The following CCDC171 variants were observed in gnomAD, a reference collection of about 807,000 sequenced individuals.
CCDC171 encodes the protein coiled-coil domain-containing protein 171.
A neutral mutation model predicts 168.2 loss-of-function variants in CCDC171; 177 were observed. The ratio of observed to expected loss-of-function variants is 1.05; its 90% CI spans 0.93 to 1.19. The LOEUF (loss-of-function observed/expected upper bound fraction) is 1.19. Ranked by LOEUF, CCDC171 falls within the 50% of genes most tolerant of loss-of-function variation. The pLI is 0.00. For synonymous variants in CCDC171, 687 were observed against 540.8 expected (o/e 1.27, Z -3.75); for missense variants, 1,991 against 1,539.0 (o/e 1.29, Z -4.91).
intron 24 of CCDC171, among the ~76,000 whole-genome samples, chr9:15,888,648 T>A (rs893971611): frequency 3.3e-5 from 5 of 152,124 alleles, no homozygotes; most frequent in Admixed American, 6.6e-5. Context: ...ATTATATGGA[T>A]TTGTGTATGC....
chr9:15,919,781 A>G (rs1825060877), intron 24 of CCDC171, among the ~76,000 whole-genome samples: 1 of 151,686 alleles, frequency 6.6e-6, no homozygotes, highest in Non-Finnish European at 1.5e-5. Flanking sequence ...CTTACAAAAT[A>G]AGAATCACAT....
At chr9:15,888,810 T>A (rs145127019) in intron 24 of CCDC171, among the ~76,000 whole-genome samples, 289 of 152,202 alleles carry the variant, frequency 1.9e-3, no homozygotes, top group African/African-American at 5.4e-3. Context: ...AACTGGTAAC[T>A]TGAAGGCAAA....
chr9:15,929,609 T>G (rs541525141), intron 25 of CCDC171, among the ~76,000 whole-genome samples: 1 of 151,796 alleles, frequency 6.6e-6, no homozygotes, highest in African/African-American at 2.4e-5. Flanking sequence ...CCACCACAGA[T>G]CTCTTAGACC....
chr9:15,735,799 C>T (rs1278576055), intron 16 of CCDC171, among the ~76,000 whole-genome samples: 6 of 152,126 alleles, frequency 3.9e-5, no homozygotes, highest in African/African-American at 1.4e-4. Flanking sequence ...GTTACAATCA[C>T]GTGTACACTA....
chr9:15,947,101 A>C (rs541276965), intron 25 of CCDC171, among the ~76,000 whole-genome samples: 1 of 152,146 alleles, frequency 6.6e-6, no homozygotes, highest in South Asian at 2.1e-4. Context: ...AAAGACAACA[A>C]ATACCTATAA....
chr9:15,807,674 C>T (rs563584656), intron 21 of CCDC171, among the ~76,000 whole-genome samples: 3 of 152,112 alleles, frequency 2.0e-5, no homozygotes, highest in South Asian at 2.1e-4. Context: ...TTACTCTGCA[C>T]ATTCACATCT....
intron 7 of CCDC171, among the ~76,000 whole-genome samples, chr9:15,632,318 C>T (rs972845364): frequency 4.3e-4 from 66 of 151,836 alleles, no homozygotes; most frequent in Non-Finnish European, 8.5e-4. Flanking sequence ...GCAACTTCAG[C>T]AAAGTCTCAG....
At chr9:15,566,967 A>G (rs935981179) in intron 2 of CCDC171, among the ~76,000 whole-genome samples, 1 of 151,800 alleles carries the variant, frequency 6.6e-6, no homozygotes, top group Non-Finnish European at 1.5e-5. Flanking sequence ...AAAATTACTT[A>G]ACTATTTAAG....
At chr9:15,984,745 C>T (rs1001523515) in intron 3 of CCDC171, among the ~76,000 whole-genome samples, 2 of 152,036 alleles carry the variant, frequency 1.3e-5, no homozygotes, top group Non-Finnish European at 2.9e-5. Context: ...GGGTAGGATA[C>T]AAAATCTGCT....
the CCDC171 span, among the ~76,000 whole-genome samples, chr9:16,097,259 C>T: frequency 6.6e-6 from 1 of 152,186 alleles, no homozygotes; most frequent in Admixed American, 6.5e-5. Flanking sequence ...AATTGGTTCC[C>T]ACTTAGGTCA....
At chr9:15,746,724 C>T (rs1205230872) in intron 18 of CCDC171, among the ~76,000 whole-genome samples, 3 of 152,136 alleles carry the variant, frequency 2.0e-5, no homozygotes, top group Admixed American at 6.5e-5. Context: ...AACTGAGGTA[C>T]CTTGTTCATC....
At chr9:15,753,221 A>G (rs2055877500) in intron 18 of CCDC171, among the ~76,000 whole-genome samples, 1 of 152,150 alleles carries the variant, frequency 6.6e-6, no homozygotes, top group Non-Finnish European at 1.5e-5. Context: ...TTATGAGTAT[A>G]GGGAAGACTT....
At chr9:15,894,801 T>G (rs1346213241) in intron 24 of CCDC171, among the ~76,000 whole-genome samples, 1 of 152,120 alleles carries the variant, frequency 6.6e-6, no homozygotes, top group East Asian at 1.9e-4. Context: ...CATTCCTTAC[T>G]AAAATAACCT....
At chr9:15,879,190 TTC>T (rs1381846568) in intron 24 of CCDC171, among the ~76,000 whole-genome samples, 15 of 152,218 alleles carry the variant, frequency 9.9e-5, no homozygotes, top group Non-Finnish European at 1.8e-4. Context: ...GTATATATTC[TTC>T]AAGTTATTTT....
chr9:15,691,871 T>G (rs1174916437), intron 10 of CCDC171, among the ~76,000 whole-genome samples: 10 of 151,942 alleles, frequency 6.6e-5, no homozygotes, highest in Admixed American at 6.6e-4. Flanking sequence ...AGAGATGGGA[T>G]CTCACTATGT....
At chr9:15,913,217 G>T (rs989723487) in intron 24 of CCDC171, among the ~76,000 whole-genome samples, 1 of 152,118 alleles carries the variant, frequency 6.6e-6, no homozygotes, top group African/African-American at 2.4e-5. Context: ...CTTGTTATTG[G>T]TCTATTCAGG....
chr9:16,061,156 G>C (rs1039168878), exon 2 of CCDC171: 1 of 152,258 alleles, frequency 6.6e-6, no homozygotes, highest in African/African-American at 2.4e-5. Context: ...CTTTAGGCAA[G>C]TCTGGTCATT....
chr9:15,722,439 T>G (rs2053544732), intron 12 of CCDC171, among the ~76,000 whole-genome samples: 1 of 152,246 alleles, frequency 6.6e-6, no homozygotes, highest in African/African-American at 2.4e-5. Context: ...TATCATCCCA[T>G]TTGTATTGTT....
the CCDC171 span, among the ~76,000 whole-genome samples, chr9:16,079,953 G>A: frequency 6.6e-6 from 1 of 152,138 alleles, no homozygotes; most frequent in African/African-American, 2.4e-5. Flanking sequence ...TCAATAACCT[G>A]CCCAAAGTTA....
Sources: gnomAD v4.1 joint callset for allele counts (sites outside exome capture counted in the v4.1 genomes callset) on GRCh38, gnomAD v4.1.1 for gene constraint, MANE v1.5 for transcripts, NCBI Gene and HGNC (gene_info 2026-07-23, HGNC 2026-07-21) for gene names.